The following CCDC178 variants were observed in gnomAD, a reference collection of about 807,000 sequenced individuals.
The protein encoded by CCDC178 is coiled-coil domain containing 178, also known as coiled-coil domain-containing protein 178.
A neutral mutation model predicts 117.4 loss-of-function variants in CCDC178; 126 were observed. That is an observed-to-expected ratio of 1.07 (90% CI 0.93 to 1.24). The LOEUF is 1.24. Among genes scored for constraint, CCDC178 ranks in the 50% most tolerant of loss-of-function variants. The probability of loss-of-function intolerance (pLI) is 0.00; values close to 1 mark genes in which losing one functional copy is unlikely to be tolerated. For missense variants in CCDC178, 1,030 were observed against 986.9 expected (o/e 1.04, Z -0.59); for synonymous variants, 283 against 313.4 (o/e 0.90, Z 1.02).
chr18:33,432,091 C>A (rs2064227276), intron 2 of CCDC178, among the ~76,000 whole-genome samples: 1 of 152,118 alleles, frequency 6.6e-6, no homozygotes, highest in African/African-American at 2.4e-5. Flanking sequence ...GGCCTGGGAG[C>A]CACATCAAGT....
Position 32,952,326 on chromosome 18 carries a change from T to C in CCDC178, c.2524-14235A>G, listed in dbSNP as rs564772289. On this transcript the variant is annotated intron_variant, in intron 22 of 22. Coordinates refer to ENST00000383096, the MANE Select transcript of CCDC178 (RefSeq NM_001105528.4). ...CTGCCTGAACATACAGGTATTTCCA[T>C]ATATTTGAAATCTAGGTGGAAGTTC... Among the ~76,000 whole-genome samples, 5 of 152,360 alleles carry C rather than the reference T, an allele frequency of 3.3e-5. No individual in the cohort carries two copies. In the East Asian group the frequency reaches 7.7e-4, roughly 24 times the overall value.
At chr18:33,334,689 A>C (rs906134874) in intron 9 of CCDC178, among the ~76,000 whole-genome samples, 11 of 151,998 alleles carry the variant, frequency 7.2e-5, no homozygotes, top group African/African-American at 2.7e-4. Context: ...TTTGATTTAT[A>C]ATTTATGATA....
chr18:33,286,507 A>T (rs1312266155), intron 12 of CCDC178, among the ~76,000 whole-genome samples: 1 of 152,170 alleles, frequency 6.6e-6, no homozygotes, highest in Non-Finnish European at 1.5e-5. Context: ...TTTGAGAAGG[A>T]ATTTGCTTAA....
rs768654398 is a variant in CCDC178 at position 33,370,039 on chromosome 18, T to A, written c.348+11A>T. 6.4e-5 allele frequency: 98 copies of A among 1,532,464 alleles called. 4 individuals carry two copies. In the South Asian group the frequency reaches 1.2e-3, roughly 19 times the overall value. 94.9% of individuals were successfully genotyped at this position (1,532,464 alleles called of 1,614,324 possible). A position where few individuals can be genotyped will look rare whatever the true frequency, so the allele number is the denominator to read the frequency against. On this transcript the variant is annotated intron_variant, in intron 6 of 22. Coordinates refer to ENST00000383096, the MANE Select transcript of CCDC178 (RefSeq NM_001105528.4). ...TTACCAAAATATCAGCATTTTAAAT[T>A]AGTCTCTTACCCTTTTCAAATGCTC...
At chr18:33,150,483 TC>T (rs766353993) in intron 20 of CCDC178, among the ~76,000 whole-genome samples, 4 of 152,100 alleles carry the variant, frequency 2.6e-5, no homozygotes, top group African/African-American at 7.2e-5. Context: ...AAACTATGCA[TC>T]TGAGAAAGGA....
At chr18:33,213,291 T>C (rs1221651763) in intron 19 of CCDC178, among the ~76,000 whole-genome samples, 1 of 152,018 alleles carries the variant, frequency 6.6e-6, no homozygotes, top group African/African-American at 2.4e-5. Context: ...ATCAGCAAAT[T>C]TGAAAACATA....
At chr18:33,348,840 A>C in intron 8 of CCDC178, 50 bp downstream of exon 8, 1 of 1,125,908 alleles carries the variant, frequency 8.9e-7, no homozygotes, top group Non-Finnish European at 1.3e-6. Flanking sequence ...AAATGAAGTC[A>C]ATGAACTTTT....
At position 33,020,232 on chromosome 18, in the gene CCDC178, T is replaced by C. The variant is rs538578552; in HGVS notation, c.2389-45551A>G. ...AAGTGCTGGGATTACAGGTGTGAGC[T>C]ACCATGCCTGGCCGATATCTCACTA... On this transcript the variant is annotated intron_variant, in intron 21 of 22. Coordinates refer to ENST00000383096, the MANE Select transcript of CCDC178 (RefSeq NM_001105528.4). Among the ~76,000 whole-genome samples the C allele has an allele frequency of 1.1e-4, 17 of 151,466 alleles. No individual in the cohort carries two copies. In the East Asian group the frequency reaches 2.9e-3, roughly 26 times the overall value.
At chr18:33,336,570 T>C (rs1241465321) in intron 9 of CCDC178, among the ~76,000 whole-genome samples, 1 of 152,118 alleles carries the variant, frequency 6.6e-6, no homozygotes, top group Non-Finnish European at 1.5e-5. Context: ...ATTTTCTGAA[T>C]TAATAGGTAA....
intron 21 of CCDC178, among the ~76,000 whole-genome samples, chr18:33,077,337 T>A (rs952714051): frequency 2.0e-5 from 3 of 152,078 alleles, no homozygotes; most frequent in African/African-American, 7.2e-5. Flanking sequence ...TTCCCTTTTA[T>A]CCCAATTGCA....
intron 21 of CCDC178, among the ~76,000 whole-genome samples, chr18:33,021,014 C>T (rs923494891): frequency 1.3e-5 from 2 of 152,150 alleles, no homozygotes; most frequent in African/African-American, 4.8e-5. Flanking sequence ...ATATTTCTCA[C>T]GTAGGATTCA....
At chr18:32,959,904 G>C (rs2144655539) in intron 22 of CCDC178, among the ~76,000 whole-genome samples, 1 of 152,026 alleles carries the variant, frequency 6.6e-6, no homozygotes, top group South Asian at 2.1e-4. Context: ...TTTTGTTGTT[G>C]TTGTTAAGTC....
chr18:33,388,063 G>C (rs1037868511), intron 5 of CCDC178, among the ~76,000 whole-genome samples: 2 of 151,872 alleles, frequency 1.3e-5, no homozygotes, highest in African/African-American at 4.8e-5. Context: ...GATATGAACA[G>C]ACACTTCTCA....
chr18:33,385,370 C>A (rs2063481735), intron 5 of CCDC178, among the ~76,000 whole-genome samples: 1 of 152,122 alleles, frequency 6.6e-6, no homozygotes, highest in African/African-American at 2.4e-5. Flanking sequence ...GTGGACCTGA[C>A]AGATATCTAC....
Position 33,226,780 on chromosome 18 carries a change from A to G in CCDC178, c.1656+13T>C, listed in dbSNP as rs756083136. The stretch of plus-strand genomic sequence containing the variant: ...AAAGGAAGAATAAAATATTAAAACC[A>G]AATCAGTATTACCTGAAGCACCATT... On this transcript the variant is annotated intron_variant, in intron 16 of 22. Coordinates refer to ENST00000383096, the MANE Select transcript of CCDC178 (RefSeq NM_001105528.4). 1 of 1,536,078 alleles carries G rather than the reference A, an allele frequency of 6.5e-7. No individual in the cohort carries two copies. The highest frequency in any genetic ancestry group is 8.8e-7 in the Non-Finnish European group (1 of 1,134,126).
At chr18:33,059,539 G>A (rs1165140135) in intron 21 of CCDC178, among the ~76,000 whole-genome samples, 3 of 152,024 alleles carry the variant, frequency 2.0e-5, no homozygotes, top group African/African-American at 7.2e-5. Flanking sequence ...TGTAGAAAAA[G>A]GTCATACAAA....
intron 21 of CCDC178, among the ~76,000 whole-genome samples, chr18:33,009,832 A>G (rs1348733896): frequency 1.3e-5 from 2 of 152,144 alleles, no homozygotes; most frequent in African/African-American, 2.4e-5. Flanking sequence ...AGTAACATTT[A>G]TGTTTTGAAT....
chr18:33,270,154 A>C (rs998623504), intron 12 of CCDC178, among the ~76,000 whole-genome samples: 2 of 151,782 alleles, frequency 1.3e-5, no homozygotes, highest in African/African-American at 2.4e-5. Context: ...GAATCATCAA[A>C]TCTGAAGACG....
chr18:32,998,183 T>C (rs140195783), intron 21 of CCDC178, among the ~76,000 whole-genome samples: 157 of 152,258 alleles, frequency 1.0e-3, no homozygotes, highest in African/African-American at 3.5e-3. Context: ...GGCAGAGTGA[T>C]TGTGGGACTT....
Sources: gnomAD v4.1 joint callset for allele counts (sites outside exome capture counted in the v4.1 genomes callset) on GRCh38, gnomAD v4.1.1 for gene constraint, MANE v1.5 for transcripts, NCBI Gene and HGNC (gene_info 2026-07-23, HGNC 2026-07-21) for gene names.